NYX: variants seen among roughly 807,000 people sequenced by gnomAD.
NYX encodes the protein nyctalopin, also known as leucine-rich repeat protein.
For synonymous variants in NYX, 258 were observed against 245.7 expected (o/e 1.05, Z -0.47); for missense variants, 481 against 485.4 (o/e 0.99, Z 0.09).
At chrX:41,466,897 G>C (rs143144192) in intron 2 of NYX, among the ~76,000 whole-genome samples, 238 of 98,490 alleles carry the variant, frequency 2.4e-3, no homozygotes, top group Non-Finnish European at 3.5e-3. Flanking sequence ...ACGAGTTCAA[G>C]AGATTTGCTT....
chrX:41,472,450 G>A (rs1004979840), intron 2 of NYX: 11 of 1,011,340 alleles, frequency 1.1e-5, no homozygotes, highest in Non-Finnish European at 1.5e-5. Context: ...CCAGCAGGCC[G>A]CGGAGGTAAC....
At chrX:41,450,136 C>G (rs750808023) in intron 2 of NYX, among the ~76,000 whole-genome samples, 17 of 112,215 alleles carry the variant, frequency 1.5e-4, no homozygotes, top group African/African-American at 4.5e-4. Context: ...TCCACCTCCT[C>G]CCCCCATGTT....
intron 2 of NYX, among the ~76,000 whole-genome samples, chrX:41,452,591 A>G (rs1029376794): frequency 1.8e-5 from 2 of 111,111 alleles, no homozygotes; most frequent in African/African-American, 6.5e-5. Flanking sequence ...CCATTCCCCT[A>G]TTGTCGGGTG....
At chrX:41,465,101 C>T (rs779131523) in intron 2 of NYX, among the ~76,000 whole-genome samples, 1 of 111,453 alleles carries the variant, frequency 9.0e-6, no homozygotes, top group Non-Finnish European at 1.9e-5. Flanking sequence ...CCCATGATCC[C>T]TATCTTTTCC....
At chrX:41,472,639 C>T in intron 2 of NYX, 1 of 462,615 alleles carries the variant, frequency 2.2e-6, no homozygotes, top group East Asian at 3.4e-5. Flanking sequence ...CAGGAAAGGT[C>T]ACTGGAGCCT....
At chrX:41,448,799 A>G (rs754264104) in intron 2 of NYX, among the ~76,000 whole-genome samples, 1 of 109,765 alleles carries the variant, frequency 9.1e-6, no homozygotes, top group South Asian at 3.9e-4. Flanking sequence ...ACCTCAGGTG[A>G]TCTGCCTGTC....
chrX:41,474,424 C>A lies in NYX; in HGVS notation c.956C>A (p.Pro319His). 8.3e-7 allele frequency: 1 copy of A among 1,208,176 alleles called. No homozygotes were observed. The change falls in exon 3 of 3, where the codon CCC (proline) becomes CAC (histidine). Residue 319 changes from proline (P) to histidine (H), a missense_variant. Physicochemically the swap from Pro to His is moderately conservative, Grantham distance 77. Transcript: ENST00000378220. ...GTGCTCGCCTGGGTCGCCTTCCAGC[C>A]CGGCTTCTTCCTGGGCCGCCTCTTC... ...LTVLAWVAFQ[P>H]GFFLGRLFLF...
chrX:41,472,332 G>A (rs2064364271), intron 2 of NYX: 2 of 1,149,350 alleles, frequency 1.7e-6, no homozygotes, highest in Admixed American at 2.2e-5. Flanking sequence ...ATGGGAGTCT[G>A]TAGCTGTGAC....
At chrX:41,450,842 T>A (rs762287952) in intron 2 of NYX, among the ~76,000 whole-genome samples, 22,830 of 88,739 alleles carry the variant, frequency 0.26, 2,775 homozygotes, top group Admixed American at 0.33. Context: ...TTTTTTTTTT[T>A]TTTTTTTTTT....
At position 41,447,444 on chromosome X, in the gene NYX, A is replaced by C; in HGVS notation, c.-129A>C. On this transcript the variant is annotated 5_prime_UTR_variant, in exon 1 of 3. Transcript: ENST00000378220. ...CATTTTCAGCATCTGTGGCTGCCTG[A>C]CTTGGGAGATGGATGGGCTGAGGGA... is the stretch of plus-strand genomic sequence containing the variant. The C allele has an allele frequency of 8.4e-6, 1 of 118,980 alleles. No homozygotes were observed. The highest frequency in any genetic ancestry group is 1.7e-5 in the Non-Finnish European group (1 of 59,970). The allele number at this position is 118,980 out of a possible 1,213,427, so 9.8% of individuals were successfully genotyped here. A position where few individuals can be genotyped will look rare whatever the true frequency, so the allele number is the denominator to read the frequency against.
chrX:41,452,420 T>C (rs1272738797), intron 2 of NYX, among the ~76,000 whole-genome samples: 3 of 111,763 alleles, frequency 2.7e-5, no homozygotes, highest in Non-Finnish European at 5.6e-5. Context: ...AGAGTGGCTG[T>C]ACCAGAAGCA....
chrX:41,463,699 G>C (rs970591840), intron 2 of NYX, among the ~76,000 whole-genome samples: 1 of 111,107 alleles, frequency 9.0e-6, no homozygotes, highest in Non-Finnish European at 1.9e-5. Context: ...GGGATTACAG[G>C]CATGAGCCAC....
chrX:41,474,975 G>A lies in NYX; in HGVS notation c.*76G>A. ...GTAAGGGGAGAGGAGCCGGAATGGA[G>A]GGCAGAGGTGAAAATCCCAGTGGAG... is the stretch of plus-strand genomic sequence containing the variant. On this transcript the variant is annotated 3_prime_UTR_variant, in exon 3 of 3. Coordinates refer to ENST00000378220, the MANE Select transcript of NYX (RefSeq NM_001378477.3). 4.2e-6 allele frequency: 4 copies of A among 948,340 alleles called. No homozygotes were observed. Among genetic ancestry groups the A allele is most frequent in the Non-Finnish European group, 5.9e-6 (4 of 676,095 alleles). 78.2% of individuals were successfully genotyped at this position (948,340 alleles called of 1,213,427 possible). A position where few individuals can be genotyped will look rare whatever the true frequency, so the allele number is the denominator to read the frequency against.
At chrX:41,463,898 T>TA (rs2064329312) in intron 2 of NYX, among the ~76,000 whole-genome samples, 1 of 111,785 alleles carries the variant, frequency 8.9e-6, no homozygotes, top group Admixed American at 9.5e-5. Flanking sequence ...GTAACATACT[T>TA]ACCATTTCCA....
At chrX:41,470,718 T>G (rs1372572482) in intron 2 of NYX, among the ~76,000 whole-genome samples, 2 of 103,687 alleles carry the variant, frequency 1.9e-5, no homozygotes, top group African/African-American at 7.1e-5. Flanking sequence ...AAAAAATCAT[T>G]GATGCAGTAT....
chrX:41,474,635 C>T lies in NYX; in HGVS notation c.1167C>T (p.Leu389=), dbSNP rs778548734. 1 of 1,199,436 alleles carries T rather than the reference C, an allele frequency of 8.3e-7. No homozygotes were observed. Among genetic ancestry groups the T allele is most frequent in the Non-Finnish European group, 1.1e-6 (1 of 889,847 alleles). ...GLCVDPEELN[L]TTSSPGPSPE... The stretch of plus-strand genomic sequence containing the variant: ...GTGTGGACCCCGAGGAGCTGAACCT[C>T]ACCACGTCCAGTCCAGGCCCGTCCC... Residue 389 remains leucine, a synonymous_variant, in exon 3 of 3, where the codon CTC becomes CTT. Transcript: ENST00000378220.
rs1294151567 is a variant in NYX, at chrX:41,474,588, G to A, written c.1120G>A (p.Gly374Arg). The change falls in exon 3 of 3, where the codon GGG becomes AGG. Residue 374 changes from glycine to arginine, a missense_variant. Coordinates refer to ENST00000378220, the MANE Select transcript of NYX (RefSeq NM_001378477.3). ...CCTGGACCTCAGCCAGGTGACCTTCGGGCGCTCCTCCGATGGCCTCTGTGT... is the reference window on the plus strand; with the variant it reads ...CCTGGACCTCAGCCAGGTGACCTTCAGGCGCTCCTCCGATGGCCTCTGTGT... ...AGLDLSQVTF[G>R]RSSDGLCVDP... The A allele has an allele frequency of 8.3e-6, 10 of 1,198,064 alleles. No homozygotes were observed. Among genetic ancestry groups the A allele is most frequent in the Admixed American group, 2.3e-5 (1 of 44,301 alleles).
chrX:41,448,236 G>GT (rs1280762942), intron 2 of NYX, among the ~76,000 whole-genome samples: 2 of 111,435 alleles, frequency 1.8e-5, no homozygotes, highest in Admixed American at 9.6e-5. Context: ...GTGCTACAGT[G>GT]TTTTTTTGTT....
At chrX:41,463,568 G>A (rs1000448645) in intron 2 of NYX, among the ~76,000 whole-genome samples, 10 of 110,158 alleles carry the variant, frequency 9.1e-5, no homozygotes, top group Admixed American at 3.9e-4. Flanking sequence ...GACTACAGGT[G>A]TGCGCCACCA....
Sources: allele counts gnomAD v4.1 joint callset (sites outside exome capture counted in the v4.1 genomes callset), GRCh38; gene constraint gnomAD v4.1.1; transcripts MANE v1.5; gene names NCBI Gene and HGNC (gene_info 2026-07-23, HGNC 2026-07-21).